Variants in SLC41A3 observed in about 807,000 individuals in gnomAD.
SLC41A3 encodes the protein solute carrier family 41 member 3.
Under a neutral mutation model 45.4 loss-of-function variants are expected in SLC41A3, and 44 were observed. The observed-to-expected ratio is 0.97, with a 90% CI of 0.76 to 1.25. SLC41A3 has a LOEUF of 1.25. Among genes scored for constraint, SLC41A3 ranks in the 50% most tolerant of loss-of-function variants. SLC41A3 has a pLI of 0.00. For synonymous variants in SLC41A3, 256 were observed against 252.4 expected, an observed-to-expected ratio of 1.01 and a Z score of -0.13; for missense variants, 550 against 600.6, an observed-to-expected ratio of 0.92 and a Z score of 0.88.
In SLC41A3 at chr3:126,026,327, T is replaced by C. The variant is rs764998504; in HGVS notation, c.598+8A>G. Reference sequence around the variant, plus strand: ...CGGGTGGGGGCTCACAGCTGGGGCATGGCTCACCCAGGGCAAAGGCTGCAA... The same window carrying C: ...CGGGTGGGGGCTCACAGCTGGGGCACGGCTCACCCAGGGCAAAGGCTGCAA... On this transcript the variant is annotated splice_region_variant and intron_variant, in intron 5 of 10. Transcript: ENST00000360370. This position sits in a 1 kb window ranked among gnomAD's most constrained non-coding sequence, Gnocchi z 4.2. 7.1e-6 allele frequency: 11 copies of C among 1,557,370 alleles called. No individual in the cohort carries two copies. In the South Asian group the frequency reaches 1.3e-4, roughly 18 times the overall value.
chr3:126,085,630 A>C (rs1041956422), upstream of SLC41A3, among the ~76,000 whole-genome samples: 2 of 152,166 alleles, frequency 1.3e-5, no homozygotes, highest in African/African-American at 4.8e-5. Flanking sequence ...ACACATTCTA[A>C]AGGGTTTTCT....
intron 1 of SLC41A3, among the ~76,000 whole-genome samples, chr3:126,093,726 T>C (rs1310598612): frequency 1.3e-5 from 2 of 152,234 alleles, no homozygotes; most frequent in Non-Finnish European, 2.9e-5. Context: ...GCACAGCTCC[T>C]GATTGTGCCA....
intron 4 of SLC41A3, among the ~76,000 whole-genome samples, chr3:126,031,498 G>A (rs1207757937): frequency 6.6e-6 from 1 of 152,218 alleles, no homozygotes; most frequent in Non-Finnish European, 1.5e-5. Context: ...GCTCTTAGTG[G>A]CTGCCCTTTG....
At position 126,016,750 on chromosome 3, in the gene SLC41A3, G is replaced by C; in HGVS notation, c.871C>G (p.Leu291Val). The change falls in exon 7 of 11, where the codon CTG (leucine) becomes GTG (valine). Residue 291 changes from leucine (L) to valine (V), a missense_variant. By Grantham distance (32) the Leu-to-Val change is conservative. Transcript: ENST00000360370. ...GCTCACCTGCTGATGACCATGGCCA[G>C]GATGATTGGGAACCAGCCAAACTTC... ...ILKFGWFPIILAMVISSFGGL... is the reference protein window; with the variant it reads ...ILKFGWFPIIVAMVISSFGGL... 1 of 1,611,720 alleles carries C rather than the reference G, an allele frequency of 6.2e-7. No homozygotes were observed. The highest frequency in any genetic ancestry group is 8.5e-7 in the Non-Finnish European group (1 of 1,179,162).
chr3:126,079,240 C>A (rs6796638), intron 1 of SLC41A3, among the ~76,000 whole-genome samples: 2,966 of 100,742 alleles, frequency 0.029, 59 homozygotes, highest in African/African-American at 0.059. Flanking sequence ...ACACACACAC[C>A]CACACACGAT....
At chr3:126,067,510 C>A in intron 2 of SLC41A3, 1 of 390,130 alleles carries the variant, frequency 2.6e-6, no homozygotes, top group African/African-American at 2.1e-5. Flanking sequence ...AAAAGGCAGC[C>A]GTCTGCAAGC....
intron 2 of SLC41A3, among the ~76,000 whole-genome samples, chr3:126,054,641 T>C (rs1404032581): frequency 1.4e-5 from 2 of 139,902 alleles, no homozygotes; most frequent in Admixed American, 7.8e-5. Flanking sequence ...TTTCAGGGCA[T>C]CCTGGAAATT....
At chr3:126,056,835 C>T (rs1368058222) in intron 2 of SLC41A3, 5 of 1,255,312 alleles carry the variant, frequency 4.0e-6, no homozygotes, top group Non-Finnish European at 4.0e-6. Context: ...TCTCCTCAGA[C>T]AGTGGCTGTG....
upstream of SLC41A3, among the ~76,000 whole-genome samples, chr3:126,089,188 G>T (rs4330218): frequency 6.4e-3 from 970 of 152,248 alleles, 11 homozygotes; most frequent in African/African-American, 0.022. Flanking sequence ...TTACATGGTT[G>T]CCCCTCCCAC....
At chr3:126,097,880 GT>G (rs1350800608) in intron 1 of SLC41A3, among the ~76,000 whole-genome samples, 2 of 152,150 alleles carry the variant, frequency 1.3e-5, no homozygotes, top group African/African-American at 4.8e-5. Flanking sequence ...TGGGACCTTG[GT>G]AAGTGGGAGG....
intron 6 of SLC41A3, among the ~76,000 whole-genome samples, chr3:126,019,211 T>C (rs1371865091): frequency 6.6e-6 from 1 of 152,168 alleles, no homozygotes; most frequent in Non-Finnish European, 1.5e-5. Flanking sequence ...TCTCTTCCTC[T>C]TTTTTAAAGC....
chr3:126,008,832 C>A lies in SLC41A3; in HGVS notation c.1154G>T (p.Gly385Val), dbSNP rs1227599971. 1 of 1,613,990 alleles carries A rather than the reference C, an allele frequency of 6.2e-7. No homozygotes were observed. Among genetic ancestry groups the A allele is most frequent in the East Asian group, 2.2e-5 (1 of 44,876 alleles). ...GATGATGTAGAAGAAAATCAGATGG[C>A]CTGGGACCACCAGCAAGAGCAGGAC... Reference protein sequence around the residue: ...ARVLLLLVVPGHLIFFYIIYL... With the variant: ...ARVLLLLVVPVHLIFFYIIYL... The change falls in exon 10 of 11, where the codon GGC becomes GTC. Residue 385 changes from glycine (G) to valine (V), a missense_variant. By Grantham distance (109) the Gly-to-Val change is moderately radical. Coordinates refer to ENST00000360370, the MANE Select transcript of SLC41A3 (RefSeq NM_017836.4).
At chr3:126,044,336 A>T (rs1399639381) in intron 3 of SLC41A3, among the ~76,000 whole-genome samples, 2 of 152,238 alleles carry the variant, frequency 1.3e-5, no homozygotes, top group Non-Finnish European at 2.9e-5. Context: ...CTGAAGAAAG[A>T]AACAGAGAGG....
chr3:126,017,059 C>T (rs972990087), intron 6 of SLC41A3, among the ~76,000 whole-genome samples, 184 bp from the exon 7 acceptor site: 1 of 152,212 alleles, frequency 6.6e-6, no homozygotes, highest in Non-Finnish European at 1.5e-5. Flanking sequence ...AAAAGCTCCT[C>T]TCTGTCCTCC....
At chr3:126,059,840 C>T (rs1943961508) in intron 2 of SLC41A3, among the ~76,000 whole-genome samples, 1 of 152,186 alleles carries the variant, frequency 6.6e-6, no homozygotes. Flanking sequence ...CCTGGCTGCT[C>T]AAGGCCTGTT....
At chr3:126,056,541 G>A (rs768683915) in intron 2 of SLC41A3, 1 of 1,613,702 alleles carries the variant, frequency 6.2e-7, no homozygotes, top group Non-Finnish European at 8.5e-7. Flanking sequence ...GATTCAGCTG[G>A]GTGACCACCA....
intron 9 of SLC41A3, 115 bp downstream of exon 9, chr3:126,012,500 C>T (rs557122674): frequency 2.8e-5 from 39 of 1,391,870 alleles, no homozygotes; most frequent in Middle Eastern, 2.5e-4. Context: ...TGATGTGTGC[C>T]GAGATCAGCC....
chr3:126,022,742 C>A lies in SLC41A3; in HGVS notation c.745+44G>T, dbSNP rs763078980. The A allele has an allele frequency of 6.2e-6, 10 of 1,610,128 alleles. No individual in the cohort carries two copies. In the Admixed American group the frequency reaches 1.2e-4, roughly 19 times the overall value. ...CAGTGGTGACCTGCTCCAGGGCCCCCCCTCCACGGAGCCTTTGTGTCTATA... is the reference window on the plus strand; with the variant it reads ...CAGTGGTGACCTGCTCCAGGGCCCCACCTCCACGGAGCCTTTGTGTCTATA... On this transcript the variant is annotated intron_variant, in intron 6 of 10. Coordinates refer to ENST00000360370, the MANE Select transcript of SLC41A3 (RefSeq NM_017836.4).
chr3:126,017,946 G>A (rs1289420965), intron 6 of SLC41A3, among the ~76,000 whole-genome samples: 5 of 152,194 alleles, frequency 3.3e-5, no homozygotes, highest in Non-Finnish European at 5.9e-5. Flanking sequence ...ACAGCGGCCT[G>A]CAGAAGCATC....
Sources: gnomAD v4.1 joint callset for allele counts (sites outside exome capture counted in the v4.1 genomes callset) on GRCh38, gnomAD v4.1.1 for gene constraint, Gnocchi (gnomAD v3.1) non-coding constraint, MANE v1.5 for transcripts, NCBI Gene and HGNC (gene_info 2026-07-23, HGNC 2026-07-21) for gene names.